Variants in DENND3 observed in about 807,000 individuals in gnomAD.
DENND3 encodes the protein DENN domain-containing protein 3.
DENND3 carries 88 observed loss-of-function variants against 135.1 expected under a neutral mutation model. That is an observed-to-expected ratio of 0.65 (90% CI 0.55 to 0.78). DENND3 has a LOEUF of 0.78. Among genes scored for constraint, DENND3 ranks in the 30% least tolerant of loss-of-function variants. The pLI is 0.00. For synonymous variants in DENND3, 693 were observed against 712.3 expected (o/e 0.97, Z 0.43); for missense variants, 1,392 against 1,688.4 (o/e 0.82, Z 3.08).
chr8:141,151,477 C>G (rs1589591023), intron 6 of DENND3, 142 bp from the exon 7 acceptor site: 1 of 733,262 alleles, frequency 1.4e-6, no homozygotes, highest in Non-Finnish European at 2.2e-6. Flanking sequence ...GGGAGGATTG[C>G]TTAAGCCCAG....
chr8:141,178,902 G>A (rs1052676376), intron 16 of DENND3, among the ~76,000 whole-genome samples: 1 of 152,216 alleles, frequency 6.6e-6, no homozygotes, highest in Non-Finnish European at 1.5e-5. Context: ...GGTGAAGGAC[G>A]TTTGGTCTGT....
Position 141,139,597 on chromosome 8 carries a change from A to G in DENND3, c.501+1460A>G, listed in dbSNP as rs748678503. 1.3e-5 allele frequency among the ~76,000 whole-genome samples: 2 copies of G among 152,246 alleles called. No homozygotes were observed. Among genetic ancestry groups the G allele is most frequent in the African/African-American group, 2.4e-5 (1 of 41,466 alleles). ...ACGTAGCCAGTGTTCCAGATGAGAA[A>G]GGATCCACGATGTTGGATCTTTCAG... On this transcript the variant is annotated intron_variant, in intron 3 of 22. Coordinates refer to ENST00000519811, the MANE Select transcript of DENND3 (RefSeq NM_001352890.3). The surrounding 1 kb of genome is among the most constrained non-coding windows in gnomAD (Gnocchi z 4.2).
In DENND3 at chr8:141,194,589, T is replaced by C. The variant is rs1825157720; in HGVS notation, c.*356T>C. 3.4e-6 allele frequency: 1 copy of C among 298,412 alleles called. No homozygotes were observed. Among genetic ancestry groups the C allele is most frequent in the Non-Finnish European group, 6.5e-6 (1 of 154,096 alleles). 18.5% of individuals were successfully genotyped at this position (298,412 alleles called of 1,614,324 possible). On this transcript the variant is annotated 3_prime_UTR_variant, in exon 23 of 23. Coordinates refer to ENST00000519811, the MANE Select transcript of DENND3 (RefSeq NM_001352890.3). ...GCCAGCAGCTTGGCCGAGTCACAGG[T>C]GACCCGTGGCCCTCACGTCTCTGGT...
chr8:141,183,893 C>T (rs979616395), intron 17 of DENND3, among the ~76,000 whole-genome samples: 1 of 152,194 alleles, frequency 6.6e-6, no homozygotes, highest in African/African-American at 2.4e-5. Flanking sequence ...CGCCACCGCC[C>T]AGGCAGAGGG....
intron 10 of DENND3, among the ~76,000 whole-genome samples, chr8:141,164,637 A>G (rs184536167): frequency 5.9e-4 from 90 of 152,240 alleles, no homozygotes; most frequent in Non-Finnish European, 7.6e-4. Context: ...GTTTCGCCCT[A>G]TGACTGGGCA....
At chr8:141,134,909 C>G (rs1366504872) in intron 1 of DENND3, among the ~76,000 whole-genome samples, 1 of 152,020 alleles carries the variant, frequency 6.6e-6, no homozygotes, top group African/African-American at 2.4e-5. Flanking sequence ...CGGCTCACTG[C>G]AAGCTCCGCC....
At chr8:141,136,478 T>C in intron 1 of DENND3, 31 bp from the exon 2 acceptor site, 1 of 1,519,096 alleles carries the variant, frequency 6.6e-7, no homozygotes, top group African/African-American at 1.4e-5. Flanking sequence ...GCTGAGGCTG[T>C]GGCAGTAACT....
At chr8:141,173,086 G>A (rs572511303) in intron 13 of DENND3, among the ~76,000 whole-genome samples, 1 of 80,660 alleles carries the variant, frequency 1.2e-5, no homozygotes, top group South Asian at 3.5e-4. Flanking sequence ...AAAACGGAAG[G>A]GAGACTCTGG....
chr8:141,166,262 G>T lies in DENND3; in HGVS notation c.1626G>T (p.Leu542=). The change falls in exon 12 of 23, where the codon CTG becomes CTT. Residue 542 remains leucine, a synonymous_variant. Transcript: ENST00000519811. This position sits in a 1 kb window ranked among gnomAD's most constrained non-coding sequence, Gnocchi z 4.3. ...EKRASRKSSH[L]HVTHRRMVVS... ...GAGCCTCCCGGAAGTCCTCGCACCT[G>T]CATGTCACCCACAGGCGCATGGTGG... 6.2e-7 allele frequency: 1 copy of T among 1,614,144 alleles called. No individual in the cohort carries two copies. The highest frequency in any genetic ancestry group is 8.5e-7 in the Non-Finnish European group (1 of 1,180,040).
In DENND3 at chr8:141,155,911, G is replaced by A. The variant is rs1437165875; in HGVS notation, c.1137G>A (p.Thr379=). The A allele has an allele frequency of 2.5e-6, 4 of 1,612,444 alleles. No individual in the cohort carries two copies. The highest frequency in any genetic ancestry group is 1.7e-6 in the Non-Finnish European group (2 of 1,179,146). ...DHGSITYSKS[T]DDNVDIPDVP... ...GGAGCATCACCTACTCCAAGTCCAC[G>A]GACGATAACGTGGACATTCCTGATG... The change falls in exon 8 of 23, where the codon ACG becomes ACA. Residue 379 remains threonine (T), a synonymous_variant. Transcript: ENST00000519811.
At chr8:141,179,535 C>T (rs1417724036) in intron 16 of DENND3, among the ~76,000 whole-genome samples, 1 of 152,228 alleles carries the variant, frequency 6.6e-6, no homozygotes, top group Admixed American at 6.5e-5. Flanking sequence ...GCTCAGGACA[C>T]ATGAGCCTGA....
intron 22 of DENND3, 60 bp from the exon 23 acceptor site, chr8:141,193,973 C>A: frequency 6.4e-7 from 1 of 1,564,902 alleles, no homozygotes; most frequent in African/African-American, 1.3e-5. Flanking sequence ...CCGGGCAAAG[C>A]CCTGGTGCTC....
intron 7 of DENND3, among the ~76,000 whole-genome samples, 194 bp from the exon 8 acceptor site, chr8:141,155,655 C>T (rs1819345384): frequency 6.6e-6 from 1 of 152,142 alleles, no homozygotes; most frequent in African/African-American, 2.4e-5. Context: ...AGTCTGCCTG[C>T]CTTGACCTCT....
intron 20 of DENND3, 126 bp downstream of exon 20, chr8:141,190,543 G>A (rs1027546554): frequency 2.2e-6 from 3 of 1,367,376 alleles, no homozygotes; most frequent in African/African-American, 1.5e-5. Context: ...TTAAACTCGG[G>A]TTCCCTTTCT....
intron 1 of DENND3, among the ~76,000 whole-genome samples, chr8:141,135,566 G>T (rs1476061787): frequency 1.3e-5 from 2 of 152,174 alleles, no homozygotes; most frequent in Non-Finnish European, 2.9e-5. Flanking sequence ...GCTGTTTCGG[G>T]CTAGTTTAGT....
intron 20 of DENND3, 58 bp downstream of exon 20, chr8:141,190,475 A>G (rs1011094286): frequency 2.0e-6 from 3 of 1,514,220 alleles, no homozygotes. Flanking sequence ...TGGGAAAAGG[A>G]TGCTGAACGA....
rs565566592 is a variant in DENND3 at position 141,138,305 on chromosome 8, C to T, written c.501+168C>T. ...CCACCACCAATGTCTAGGTCCAAAACGCTTTCATCATCCCTGAAAACCCCA... is the reference window on the plus strand; with the variant it reads ...CCACCACCAATGTCTAGGTCCAAAATGCTTTCATCATCCCTGAAAACCCCA... On this transcript the variant is annotated intron_variant, in intron 3 of 22. Transcript: ENST00000519811. The surrounding 1 kb of genome is among the most constrained non-coding windows in gnomAD (Gnocchi z 4.8). Among the ~76,000 whole-genome samples, 6 of 152,280 alleles carry T rather than the reference C, an allele frequency of 3.9e-5. No individual in the cohort carries two copies. Among genetic ancestry groups the T allele is most frequent in the South Asian group, 2.1e-4 (1 of 4,818 alleles).
chr8:141,184,962 C>T, intron 17 of DENND3, 177 bp from the exon 18 acceptor site: 1 of 731,094 alleles, frequency 1.4e-6, no homozygotes, highest in Non-Finnish European at 2.1e-6. Flanking sequence ...CCCCCCTTGA[C>T]TCTGAGCTCC....
chr8:141,179,051 G>C (rs1220087158), intron 16 of DENND3, among the ~76,000 whole-genome samples: 1 of 152,194 alleles, frequency 6.6e-6, no homozygotes, highest in Non-Finnish European at 1.5e-5. Flanking sequence ...TTAAAAAGTC[G>C]CAGAATTAGG....
Sources: gnomAD v4.1 joint callset for allele counts (sites outside exome capture counted in the v4.1 genomes callset) on GRCh38, gnomAD v4.1.1 for gene constraint, Gnocchi (gnomAD v3.1) non-coding constraint, MANE v1.5 for transcripts, NCBI Gene and HGNC (gene_info 2026-07-23, HGNC 2026-07-21) for gene names.